NCOA1: variants seen among roughly 807,000 people sequenced by gnomAD.
NCOA1 encodes Hin-2 protein.
In NCOA1, 35 loss-of-function variants were observed where a neutral mutation model predicts 150.9. The observed-to-expected ratio is 0.23, with a 90% confidence interval of 0.18 to 0.31. The LOEUF is 0.31. Ranked by LOEUF, NCOA1 falls within the 10% of genes least tolerant of loss-of-function variation. NCOA1 has a pLI of 1.00. For missense variants in NCOA1, 1,491 were observed against 1,749.3 expected (o/e 0.85, Z 2.63); for synonymous variants, 590 against 630.0 (o/e 0.94, Z 0.95).
intron 14 of NCOA1, among the ~76,000 whole-genome samples, chr2:24,712,167 A>C (rs968311930): frequency 5.3e-5 from 8 of 152,224 alleles, no homozygotes; most frequent in African/African-American, 1.9e-4. Context: ...TACCTCAAGG[A>C]AGTACATTTT....
At chr2:24,569,552 A>ATTTTTTTTTTTTTT (rs200639064) in intron 2 of NCOA1, among the ~76,000 whole-genome samples, 3 of 93,794 alleles carry the variant, frequency 3.2e-5, no homozygotes, top group African/African-American at 1.2e-4. Flanking sequence ...GGTTTTATTA[A>ATTTTTTTTTTTTTT]TTTTTTTTTT....
chr2:24,534,211 A>G (rs1471035079), intron 1 of NCOA1, among the ~76,000 whole-genome samples: 1 of 151,774 alleles, frequency 6.6e-6, no homozygotes, highest in Non-Finnish European at 1.5e-5. Context: ...TTTCTTCTAG[A>G]TTTTCTAGTT....
At chr2:24,650,467 A>G (rs577663583) in intron 4 of NCOA1, among the ~76,000 whole-genome samples, 33 of 152,174 alleles carry the variant, frequency 2.2e-4, no homozygotes, top group Non-Finnish European at 3.5e-4. Context: ...AGAATACTGT[A>G]AAGAAAATGA....
chr2:24,695,735 T>C (rs1238419014), intron 10 of NCOA1, among the ~76,000 whole-genome samples: 1 of 152,216 alleles, frequency 6.6e-6, no homozygotes, highest in Admixed American at 6.5e-5. Context: ...GGTTAAACTT[T>C]CCTGTAGTAG....
At chr2:24,616,857 G>A (rs17734886) in intron 3 of NCOA1, among the ~76,000 whole-genome samples, 9,932 of 152,160 alleles carry the variant, frequency 0.065, 345 homozygotes, top group East Asian at 0.11. Flanking sequence ...TTTAGCAGAG[G>A]CTAGAAAGAG....
intron 3 of NCOA1, among the ~76,000 whole-genome samples, chr2:24,627,626 C>G (rs1478271019): frequency 6.6e-6 from 1 of 152,184 alleles, no homozygotes; most frequent in African/African-American, 2.4e-5. Flanking sequence ...CATCTTCTAA[C>G]ACATATAAAA....
chr2:24,627,822 C>T (rs1294494790), intron 3 of NCOA1, among the ~76,000 whole-genome samples: 1 of 152,186 alleles, frequency 6.6e-6, no homozygotes, highest in Non-Finnish European at 1.5e-5. Flanking sequence ...TGTGGATTTT[C>T]TCTGACATCT....
intron 1 of NCOA1, among the ~76,000 whole-genome samples, chr2:24,512,337 T>C (rs1213612005): frequency 6.6e-6 from 1 of 152,214 alleles, no homozygotes; most frequent in Non-Finnish European, 1.5e-5. Flanking sequence ...GTTTAATAAG[T>C]TATTTTGCTT....
intron 1 of NCOA1, among the ~76,000 whole-genome samples, chr2:24,528,509 G>T (rs1302710539): frequency 6.6e-6 from 1 of 151,590 alleles, no homozygotes; most frequent in East Asian, 1.9e-4. Flanking sequence ...ACCACACCCG[G>T]TTAATTTTTG....
At chr2:24,605,407 A>G (rs1248248081) in intron 3 of NCOA1, among the ~76,000 whole-genome samples, 1 of 152,190 alleles carries the variant, frequency 6.6e-6, no homozygotes, top group Non-Finnish European at 1.5e-5. Flanking sequence ...AAAAATTTTT[A>G]AGATTTATTT....
chr2:24,570,490 A>G (rs1293199261), intron 2 of NCOA1, among the ~76,000 whole-genome samples: 2 of 152,242 alleles, frequency 1.3e-5, no homozygotes, highest in Admixed American at 6.5e-5. Flanking sequence ...TCTTCAGAGT[A>G]TGCTAAGGAG....
chr2:24,557,338 T>C (rs1377377330), intron 1 of NCOA1, among the ~76,000 whole-genome samples: 2 of 152,208 alleles, frequency 1.3e-5, no homozygotes, highest in African/African-American at 4.8e-5. Context: ...TTATGCCATG[T>C]TGTTACACAT....
At chr2:24,715,713 C>G (rs904118392) in intron 14 of NCOA1, among the ~76,000 whole-genome samples, 1 of 152,138 alleles carries the variant, frequency 6.6e-6, no homozygotes, top group African/African-American at 2.4e-5. Flanking sequence ...CTGAAAACTA[C>G]TTTGCTGAGA....
chr2:24,637,049 TTTC>T (rs1423486806), intron 3 of NCOA1, among the ~76,000 whole-genome samples: 4 of 151,880 alleles, frequency 2.6e-5, no homozygotes, highest in African/African-American at 9.7e-5. Flanking sequence ...ACATTTATCA[TTTC>T]TTTTTTTTTG....
intron 4 of NCOA1, among the ~76,000 whole-genome samples, chr2:24,656,095 A>AG (rs933396608): frequency 4.6e-5 from 7 of 151,696 alleles, no homozygotes; most frequent in African/African-American, 1.7e-4. Context: ...CTCAAAAAAA[A>AG]AAAAAAAAAA....
chr2:24,652,164 A>G (rs1180973569), intron 4 of NCOA1, among the ~76,000 whole-genome samples: 7 of 152,110 alleles, frequency 4.6e-5, no homozygotes, highest in African/African-American at 1.4e-4. Flanking sequence ...TAAACAAAAT[A>G]TGGCATCTCC....
chr2:24,554,835 C>T (rs1437556344), intron 1 of NCOA1, among the ~76,000 whole-genome samples: 1 of 152,090 alleles, frequency 6.6e-6, no homozygotes, highest in East Asian at 1.9e-4. Context: ...TTTGATTTGG[C>T]TCTAAAATGG....
rs539541294 is a variant in NCOA1, at chr2:24,735,027, A to G, written c.3202-4405A>G. On this transcript the variant is annotated intron_variant, in intron 17 of 22. Transcript: ENST00000348332. ...ACATTTGGCTGTTCATGAGGAGGAA[A>G]AAATTAAATTTGATCCTCATCTTAT... Among the ~76,000 whole-genome samples, 4 of 152,322 alleles carry G rather than the reference A, an allele frequency of 2.6e-5. No individual in the cohort carries two copies. In the South Asian group the frequency reaches 6.2e-4, roughly 24 times the overall value.
intron 7 of NCOA1, among the ~76,000 whole-genome samples, chr2:24,681,591 C>G (rs1672177603): frequency 6.6e-6 from 1 of 152,140 alleles, no homozygotes; most frequent in South Asian, 2.1e-4. Flanking sequence ...GCATTAGTGT[C>G]TTTTTAAAAA....
Sources: allele counts gnomAD v4.1 joint callset (sites outside exome capture counted in the v4.1 genomes callset), GRCh38; gene constraint gnomAD v4.1.1; transcripts MANE v1.5; gene names NCBI Gene and HGNC (gene_info 2026-07-23, HGNC 2026-07-21).